CARMIL1: variants seen among roughly 807,000 people sequenced by gnomAD.
CARMIL1 encodes capping protein regulator and myosin 1 linker 1, also known as F-actin-uncapping protein LRRC16A.
CARMIL1 carries 90 observed loss-of-function variants against 177.1 expected under a neutral mutation model. The ratio of observed to expected loss-of-function variants is 0.51; its 90% CI spans 0.43 to 0.61. CARMIL1 has a LOEUF of 0.61. CARMIL1 is among the 20% of genes least tolerant of loss of function. CARMIL1 has a pLI of 0.00. For synonymous variants in CARMIL1, 577 were observed against 606.2 expected, an observed-to-expected ratio of 0.95 and a Z score of 0.71; for missense variants, 1,380 against 1,667.0, an observed-to-expected ratio of 0.83 and a Z score of 3.00.
At chr6:25,522,257 G>C (rs1268500357) in intron 23 of CARMIL1, among the ~76,000 whole-genome samples, 1 of 152,146 alleles carries the variant, frequency 6.6e-6, no homozygotes, top group East Asian at 1.9e-4. Flanking sequence ...GTAAATCTGA[G>C]CAGACTAAAA....
chr6:25,531,639 T>G (rs1403746330), intron 24 of CARMIL1, among the ~76,000 whole-genome samples: 3 of 152,182 alleles, frequency 2.0e-5, no homozygotes, highest in Admixed American at 2.0e-4. Context: ...ACCAGTCCCT[T>G]AAAAATCTAA....
At chr6:25,403,320 C>T (rs1794052396) in intron 2 of CARMIL1, among the ~76,000 whole-genome samples, 1 of 152,148 alleles carries the variant, frequency 6.6e-6, no homozygotes, top group African/African-American at 2.4e-5. Context: ...AGCACTCCTG[C>T]TAACCTCTGT....
At chr6:25,478,653 G>T (rs910550558) in intron 11 of CARMIL1, among the ~76,000 whole-genome samples, 1 of 151,990 alleles carries the variant, frequency 6.6e-6, no homozygotes, top group Non-Finnish European at 1.5e-5. Context: ...AAAATTAGCC[G>T]AGCGTGGTGG....
chr6:25,572,651 C>T (rs1321486560), intron 29 of CARMIL1, among the ~76,000 whole-genome samples: 1 of 131,600 alleles, frequency 7.6e-6, no homozygotes, highest in East Asian at 2.5e-4. Flanking sequence ...GACAATGAGC[C>T]AAGATTGAGC....
chr6:25,491,464 A>G (rs922714251), intron 13 of CARMIL1, among the ~76,000 whole-genome samples: 1 of 152,220 alleles, frequency 6.6e-6, no homozygotes, highest in African/African-American at 2.4e-5. Context: ...TAAGCTATCC[A>G]GGAAAACTAA....
chr6:25,579,969 T>C (rs564299806), intron 29 of CARMIL1, among the ~76,000 whole-genome samples: 1 of 152,328 alleles, frequency 6.6e-6, no homozygotes, highest in East Asian at 1.9e-4. Flanking sequence ...TTCTTTCAGT[T>C]ATGTTACCTC....
At chr6:25,393,813 C>T (rs982337935) in intron 2 of CARMIL1, among the ~76,000 whole-genome samples, 6 of 151,624 alleles carry the variant, frequency 4.0e-5, no homozygotes, top group African/African-American at 9.7e-5. Flanking sequence ...GCTCTGATTG[C>T]ACCACACACT....
chr6:25,530,643 G>A (rs889333643), intron 24 of CARMIL1, among the ~76,000 whole-genome samples: 13 of 151,980 alleles, frequency 8.6e-5, no homozygotes, highest in African/African-American at 3.1e-4. Context: ...ATACCTAGAC[G>A]TTTTCAGACA....
intron 27 of CARMIL1, among the ~76,000 whole-genome samples, chr6:25,553,712 TGG>T (rs2151172592): frequency 6.6e-6 from 1 of 152,354 alleles, no homozygotes; most frequent in Admixed American, 6.5e-5. Context: ...ATGGTACATA[TGG>T]TTCCCATTAA....
chr6:25,450,941 C>CCTCTCCTCTT (rs1412415189), intron 8 of CARMIL1, among the ~76,000 whole-genome samples: 399 of 15,990 alleles, frequency 0.025, 95 homozygotes, highest in Non-Finnish European at 0.031. Context: ...CCTCTCCTCT[C>CCTCTCCTCTT]CTCTCCTCTC....
intron 11 of CARMIL1, among the ~76,000 whole-genome samples, chr6:25,480,659 AT>A (rs1300168815): frequency 1.5e-5 from 2 of 134,840 alleles, no homozygotes; most frequent in African/African-American, 2.8e-5. Flanking sequence ...AATTATTTAT[AT>A]TTAATTTAAA....
At chr6:25,362,449 T>C (rs1789316832) in intron 2 of CARMIL1, among the ~76,000 whole-genome samples, 1 of 151,248 alleles carries the variant, frequency 6.6e-6, no homozygotes, top group Non-Finnish European at 1.5e-5. Flanking sequence ...CCGAGGTGGG[T>C]GGATCACCTG....
At chr6:25,499,394 T>C (rs910394438) in intron 16 of CARMIL1, among the ~76,000 whole-genome samples, 1 of 152,230 alleles carries the variant, frequency 6.6e-6, no homozygotes, top group African/African-American at 2.4e-5. Context: ...ATTTAGGGTC[T>C]TCTGTCCACT....
At chr6:25,562,529 G>A (rs1434851421) in intron 29 of CARMIL1, among the ~76,000 whole-genome samples, 1 of 152,174 alleles carries the variant, frequency 6.6e-6, no homozygotes, top group East Asian at 1.9e-4. Context: ...TTACAGGCAT[G>A]AGCCACCGCA....
intron 2 of CARMIL1, among the ~76,000 whole-genome samples, chr6:25,307,325 C>T (rs1264155726): frequency 1.3e-5 from 2 of 152,168 alleles, no homozygotes; most frequent in Non-Finnish European, 2.9e-5. Context: ...TGTCATGGAA[C>T]TTATTATTCG....
chr6:25,430,460 C>G lies in CARMIL1; in HGVS notation c.249+3900C>G, dbSNP rs551184389. ...TTTTTTTTTTTTCCAGACAGGGTCT[C>G]GCACTGTTGCTCAGGCAGGAGTGCA... On this transcript the variant is annotated intron_variant, in intron 4 of 36. Coordinates refer to ENST00000329474, the MANE Select transcript of CARMIL1 (RefSeq NM_017640.6). 1.8e-3 allele frequency among the ~76,000 whole-genome samples: 264 copies of G among 149,050 alleles called. 1 individual carries two copies. The highest frequency in any genetic ancestry group is 6.4e-3 in the African/African-American group (258 of 40,394).
At chr6:25,503,223 T>G (rs1330386896) in intron 17 of CARMIL1, among the ~76,000 whole-genome samples, 1 of 152,228 alleles carries the variant, frequency 6.6e-6, no homozygotes, top group Non-Finnish European at 1.5e-5. Context: ...ACTGCCGACA[T>G]GGGGAAGTCT....
intron 4 of CARMIL1, among the ~76,000 whole-genome samples, chr6:25,429,206 C>G (rs1013402192): frequency 6.6e-6 from 1 of 152,184 alleles, no homozygotes; most frequent in African/African-American, 2.4e-5. Flanking sequence ...GGCTTGCTTA[C>G]TTCTTACCAT....
chr6:25,501,626 C>T (rs551945931), intron 17 of CARMIL1, among the ~76,000 whole-genome samples: 14 of 152,276 alleles, frequency 9.2e-5, no homozygotes, highest in African/African-American at 3.1e-4. Flanking sequence ...AATTGTCTAG[C>T]ACTTAATGAT....
Sources: gnomAD v4.1 joint callset for allele counts (sites outside exome capture counted in the v4.1 genomes callset) on GRCh38, gnomAD v4.1.1 for gene constraint, MANE v1.5 for transcripts, NCBI Gene and HGNC (gene_info 2026-07-23, HGNC 2026-07-21) for gene names.